Variants in ZNF254 observed in about 807,000 individuals in gnomAD.
The protein encoded by ZNF254 is zinc finger protein 254.
ZNF254 carries 10 observed loss-of-function variants against 12.4 expected under a neutral mutation model. The observed-to-expected ratio is 0.80, with a 90% CI of 0.50 to 1.36. The LOEUF is 1.36. ZNF254 is among the 40% of genes most tolerant of loss of function. The pLI is 0.00. For synonymous variants in ZNF254, 305 were observed against 253.4 expected (o/e 1.20, Z -1.93); for missense variants, 996 against 763.9 (o/e 1.30, Z -3.58).
At chr19:24,100,672 GTCTCTC>G (rs142703038) in intron 1 of ZNF254, among the ~76,000 whole-genome samples, 1 of 142,500 alleles carries the variant, frequency 7.0e-6, no homozygotes, top group Non-Finnish European at 1.5e-5. Flanking sequence ...AAGTTTGTAT[GTCTCTC>G]TCTCTTTTTT....
At chr19:24,045,667 CAAAAAAA>C (rs35872820) in intron 1 of ZNF254, among the ~76,000 whole-genome samples, 7 of 88,798 alleles carry the variant, frequency 7.9e-5, no homozygotes, top group Non-Finnish European at 6.9e-5. Context: ...GACTCTGTCT[CAAAAAAA>C]AAAAAAAAAA....
intron 1 of ZNF254, among the ~76,000 whole-genome samples, chr19:24,092,970 TA>T (rs1306070568): frequency 1.3e-5 from 2 of 152,218 alleles, no homozygotes; most frequent in African/African-American, 4.8e-5. Context: ...TGACATCATC[TA>T]TTTTTTTGCT....
In ZNF254 at chr19:24,127,646, A is replaced by G; in HGVS notation, c.1646A>G (p.Glu549Gly). The G allele has an allele frequency of 6.2e-7, 1 of 1,610,838 alleles. No individual in the cohort carries two copies. Among genetic ancestry groups the G allele is most frequent in the Non-Finnish European group, 8.5e-7 (1 of 1,178,308 alleles). ...ACTGAAGAGAAACCCTACAAATGTGAAAAATGTGGCAAAGCCTTTAAGCAG... is the reference window on the plus strand; with the variant it reads ...ACTGAAGAGAAACCCTACAAATGTGGAAAATGTGGCAAAGCCTTTAAGCAG... ...IHTEEKPYKC[E>G]KCGKAFKQSS... is the part of the protein sequence containing the mutation. Residue 549 changes from glutamate to glycine, a missense_variant, in exon 4 of 4, where the codon GAA becomes GGA. Transcript: ENST00000357002.
chr19:24,123,948 ATG>A (rs1184713235), intron 3 of ZNF254, among the ~76,000 whole-genome samples: 4 of 151,962 alleles, frequency 2.6e-5, no homozygotes, highest in African/African-American at 9.7e-5. Context: ...TATTGAAAAT[ATG>A]TCTCAATTTA....
Position 24,128,049 on chromosome 19 carries a change from A to T in ZNF254, c.*69A>T. 7.0e-7 allele frequency: 1 copy of T among 1,425,236 alleles called. No individual in the cohort carries two copies. Among genetic ancestry groups the T allele is most frequent in the Non-Finnish European group, 9.2e-7 (1 of 1,085,240 alleles). The allele number at this position is 1,425,236 out of a possible 1,614,324, so 88.3% of individuals were successfully genotyped here. A position where few individuals can be genotyped will look rare whatever the true frequency, so the allele number is the denominator to read the frequency against. The stretch of plus-strand genomic sequence containing the variant: ...ATAAGATTATTCCTACTGGAGAGAA[A>T]CTACAAACCTGAGAGAGGCGCTAAT... On this transcript the variant is annotated 3_prime_UTR_variant, in exon 4 of 4. Transcript: ENST00000357002.
chr19:24,054,727 A>G (rs1341345883), intron 2 of ZNF254, among the ~76,000 whole-genome samples: 1 of 152,214 alleles, frequency 6.6e-6, no homozygotes, highest in African/African-American at 2.4e-5. Flanking sequence ...CACAGTTGAG[A>G]TGGTGACACA....
chr19:24,081,920 C>T (rs1463795190), intron 2 of ZNF254, among the ~76,000 whole-genome samples: 6 of 152,020 alleles, frequency 3.9e-5, no homozygotes, highest in Admixed American at 6.5e-5. Context: ...GTCAGGAGTT[C>T]GAGACCAGCC....
chr19:24,041,489 C>T (rs1425958861), intron 1 of ZNF254, among the ~76,000 whole-genome samples: 1 of 152,260 alleles, frequency 6.6e-6, no homozygotes, highest in Non-Finnish European at 1.5e-5. Flanking sequence ...ACTGAGTCCC[C>T]CAGCAGTGCT....
intron 1 of ZNF254, among the ~76,000 whole-genome samples, chr19:24,034,612 C>T (rs1969895548): frequency 1.3e-5 from 2 of 150,102 alleles, no homozygotes; most frequent in African/African-American, 2.5e-5. Context: ...ATCCTCCAGG[C>T]TCCCTAGTAC....
chr19:24,080,777 CAA>C (rs146366313), intron 2 of ZNF254: 66 of 72,110 alleles, frequency 9.2e-4, no homozygotes, highest in African/African-American at 6.2e-4. Flanking sequence ...GACTCCGTCT[CAA>C]AAAAAAAAAA....
chr19:24,104,574 C>G (rs147839109), intron 1 of ZNF254: 2 of 152,226 alleles, frequency 1.3e-5, no homozygotes, highest in African/African-American at 4.8e-5. Flanking sequence ...TTCTTAACTA[C>G]TTTTAAAAAT....
intron 2 of ZNF254, among the ~76,000 whole-genome samples, chr19:24,055,232 A>G (rs113498114): frequency 0.031 from 3,739 of 122,468 alleles, 256 homozygotes; most frequent in South Asian, 0.058. Context: ...AAAAAAAAAA[A>G]GAGTGTACTA....
chr19:24,101,569 C>G (rs1025858890), intron 1 of ZNF254, among the ~76,000 whole-genome samples: 2 of 152,198 alleles, frequency 1.3e-5, no homozygotes, highest in African/African-American at 2.4e-5. Context: ...GCTCTGAGCA[C>G]AAGTATACTT....
At chr19:24,108,729 T>C (rs1973484725) in intron 3 of ZNF254, among the ~76,000 whole-genome samples, 1 of 152,190 alleles carries the variant, frequency 6.6e-6, no homozygotes, top group Non-Finnish European at 1.5e-5. Flanking sequence ...TTAATGCCAC[T>C]CTCCATATAA....
chr19:24,111,481 C>G (rs1478925950), intron 3 of ZNF254, among the ~76,000 whole-genome samples: 143 of 152,216 alleles, frequency 9.4e-4, no homozygotes, highest in Middle Eastern at 3.4e-3. Flanking sequence ...AATGGGATGG[C>G]TGGGTCAAAT....
chr19:24,082,649 C>CA (rs1385561622), upstream of ZNF254, among the ~76,000 whole-genome samples: 11 of 128,910 alleles, frequency 8.5e-5, no homozygotes, highest in East Asian at 2.4e-3. Flanking sequence ...GATTCCATCT[C>CA]AAAAAAACAA....
chr19:24,087,403 T>G, intron 1 of ZNF254, 66 bp downstream of exon 1: 2 of 1,607,330 alleles, frequency 1.2e-6, no homozygotes, highest in Non-Finnish European at 1.7e-6. Flanking sequence ...GGGAAGCGGC[T>G]GTGGCGGGAC....
rs563926970 is a variant in ZNF254, at chr19:24,126,507, A to T, written c.507A>T (p.Ser169=). 1 of 1,589,982 alleles carries T rather than the reference A, an allele frequency of 6.3e-7. No homozygotes were observed. The highest frequency in any genetic ancestry group is 8.5e-7 in the Non-Finnish European group (1 of 1,172,890). ...YLKVFYKFLN[S]NRPKIRHTEK... is the part of the protein sequence containing the mutation. ...AAGTCTTCTATAAATTTTTAAATTC[A>T]AACAGACCTAAGATAAGACATACTG... is the stretch of plus-strand genomic sequence containing the variant. The change falls in exon 4 of 4, where the codon TCA becomes TCT. Residue 169 remains serine (S), a synonymous_variant. Transcript: ENST00000357002.
chr19:24,104,132 C>T (rs113613801), intron 1 of ZNF254: 10,460 of 152,186 alleles, frequency 0.069, 532 homozygotes, highest in African/African-American at 0.13. Flanking sequence ...TGCTGGGATT[C>T]GATATTTCTA....
Sources: allele counts gnomAD v4.1 joint callset (sites outside exome capture counted in the v4.1 genomes callset), GRCh38; gene constraint gnomAD v4.1.1; transcripts MANE v1.5; gene names NCBI Gene and HGNC (gene_info 2026-07-23, HGNC 2026-07-21).